The following WDR53 variants were observed in gnomAD, a reference collection of about 807,000 sequenced individuals.
WDR53 encodes the protein WD repeat domain 53.
A neutral mutation model predicts 21.3 loss-of-function variants in WDR53; 19 were observed. The observed-to-expected ratio is 0.89, with a 90% CI of 0.62 to 1.31. WDR53 has a LOEUF of 1.31. Among genes scored for constraint, WDR53 ranks in the 50% most tolerant of loss-of-function variants. WDR53 has a pLI of 0.00. For synonymous variants in WDR53, 157 were observed against 163.4 expected, an observed-to-expected ratio of 0.96 and a Z score of 0.30; for missense variants, 374 against 423.2, an observed-to-expected ratio of 0.88 and a Z score of 1.02.
At chr3:196,559,179 A>AC (rs1396761448) in intron 3 of WDR53, among the ~76,000 whole-genome samples, 1 of 152,270 alleles carries the variant, frequency 6.6e-6, no homozygotes, top group Non-Finnish European at 1.5e-5. Context: ...GACACACTGT[A>AC]CAATCTGCCT....
rs1416430742 is a variant in WDR53, at chr3:196,554,395, T to A, written c.893A>T (p.Gln298Leu). The A allele has an allele frequency of 6.2e-7, 1 of 1,614,226 alleles. No individual in the cohort carries two copies. The highest frequency in any genetic ancestry group is 8.5e-7 in the Non-Finnish European group (1 of 1,180,036). ...TACTGAAGCGTTAGTATTTCCACCC[T>A]GCTTGGTGCAAGTTCCTCTTTTAGG... ...KKPKRGTCTKQGGNTNASVTD... is the reference protein window; with the variant it reads ...KKPKRGTCTKLGGNTNASVTD... The change falls in exon 4 of 4, where the codon CAG (glutamine) becomes CTG (leucine). Residue 298 changes from glutamine to leucine, a missense_variant. Coordinates refer to ENST00000332629, the MANE Select transcript of WDR53 (RefSeq NM_182627.3).
At chr3:196,556,442 G>A (rs1227376785) in intron 3 of WDR53, among the ~76,000 whole-genome samples, 1 of 152,046 alleles carries the variant, frequency 6.6e-6, no homozygotes, top group Non-Finnish European at 1.5e-5. Context: ...GGATCACGAT[G>A]TCAGGAGATC....
At chr3:196,561,512 C>G (rs748012740) in intron 2 of WDR53, 21 bp from the exon 3 acceptor site, 26 of 1,568,950 alleles carry the variant, frequency 1.7e-5, no homozygotes, top group Non-Finnish European at 2.2e-5. Context: ...GGGGAAACAA[C>G]TGTAATCTCA....
intron 1 of WDR53, among the ~76,000 whole-genome samples, chr3:196,567,556 T>C (rs912951515): frequency 6.6e-5 from 10 of 152,338 alleles, no homozygotes; most frequent in African/African-American, 2.2e-4. Context: ...TTATTTTAAT[T>C]ACTCAGCTCA....
At chr3:196,562,424 G>A (rs1418650735) in intron 2 of WDR53, among the ~76,000 whole-genome samples, 2 of 152,102 alleles carry the variant, frequency 1.3e-5, no homozygotes, top group Non-Finnish European at 2.9e-5. Flanking sequence ...ACCATGCCTG[G>A]CTAATTTTTG....
intron 3 of WDR53, among the ~76,000 whole-genome samples, chr3:196,556,212 ATTTTTGTATT>A (rs1489575509): frequency 2.0e-5 from 3 of 151,898 alleles, no homozygotes; most frequent in Non-Finnish European, 4.4e-5. Flanking sequence ...CACCCAGCTA[ATTTTTGTATT>A]TTTTTGTAGA....
intron 2 of WDR53, among the ~76,000 whole-genome samples, chr3:196,563,013 A>G (rs1735027232): frequency 6.6e-6 from 1 of 152,024 alleles, no homozygotes; most frequent in Admixed American, 6.6e-5. Flanking sequence ...TTATTTTATT[A>G]AATTTTTTTT....
intron 2 of WDR53, among the ~76,000 whole-genome samples, chr3:196,563,292 A>G (rs115402043): frequency 0.023 from 3,539 of 152,326 alleles, 80 homozygotes; most frequent in Non-Finnish European, 0.037. Context: ...GAAATGCCAC[A>G]TAATACCGGC....
intron 1 of WDR53, chr3:196,568,302 G>C (rs1017409689): frequency 2.0e-5 from 3 of 152,462 alleles, no homozygotes; most frequent in African/African-American, 7.2e-5. Context: ...ACACAAAAAG[G>C]TTGGGGAGCC....
chr3:196,560,198 G>A (rs929106062), intron 3 of WDR53, among the ~76,000 whole-genome samples: 4 of 151,610 alleles, frequency 2.6e-5, no homozygotes, highest in African/African-American at 9.7e-5. Flanking sequence ...CTACTCTCCT[G>A]ATGGACTTCC....
At position 196,561,048 on chromosome 3, in the gene WDR53, G is replaced by A. The variant is rs1734790264; in HGVS notation, c.428C>T (p.Ala143Val). 2.5e-6 allele frequency: 4 copies of A among 1,614,200 alleles called. No individual in the cohort carries two copies. Among genetic ancestry groups the A allele is most frequent in the Non-Finnish European group, 2.5e-6 (3 of 1,180,034 alleles). Reference protein sequence around the residue: ...KRHSNICSSVAFRPQRPQSLV... With the variant: ...KRHSNICSSVVFRPQRPQSLV... ...GCTCTGAGGCCTCTGAGGCCGAAAA[G>A]CCACTGAGGAGCAGATATTGGAATG... Residue 143 changes from alanine to valine, a missense_variant, in exon 3 of 4, where the codon GCT becomes GTT. Coordinates refer to ENST00000332629, the MANE Select transcript of WDR53 (RefSeq NM_182627.3).
chr3:196,565,814 T>G (rs1213819841), intron 2 of WDR53, among the ~76,000 whole-genome samples: 4 of 152,198 alleles, frequency 2.6e-5, no homozygotes, highest in African/African-American at 9.6e-5. Flanking sequence ...AAAGTTGGGT[T>G]AAATCAAAAC....
intron 3 of WDR53, among the ~76,000 whole-genome samples, chr3:196,558,680 C>T (rs1354141701): frequency 1.3e-5 from 2 of 152,214 alleles, no homozygotes; most frequent in Admixed American, 6.5e-5. Flanking sequence ...GTCAGAACTC[C>T]CTTCCACTAT....
chr3:196,559,259 G>A (rs1734604880), intron 3 of WDR53, among the ~76,000 whole-genome samples: 1 of 152,170 alleles, frequency 6.6e-6, no homozygotes, highest in African/African-American at 2.4e-5. Context: ...TCACCACTAG[G>A]GTGGAGAATG....
At chr3:196,560,015 G>A (rs1734673714) in intron 3 of WDR53, among the ~76,000 whole-genome samples, 1 of 152,164 alleles carries the variant, frequency 6.6e-6, no homozygotes, top group Non-Finnish European at 1.5e-5. Context: ...TCTCTCAAGA[G>A]GAAGCACATC....
At chr3:196,555,508 C>T (rs1008385482) in intron 3 of WDR53, among the ~76,000 whole-genome samples, 2 of 152,192 alleles carry the variant, frequency 1.3e-5, no homozygotes. Context: ...TTTGGCTTTT[C>T]GTTGTTCCCG....
Position 196,561,178 on chromosome 3 carries a change from G to A in WDR53, c.298C>T (p.Leu100Phe), listed in dbSNP as rs200309204. The A allele has an allele frequency of 3.7e-5, 60 of 1,614,108 alleles. No homozygotes were observed. Among genetic ancestry groups the A allele is most frequent in the Non-Finnish European group, 4.7e-5 (56 of 1,180,048 alleles). Residue 100 changes from leucine (L) to phenylalanine (F), a missense_variant, in exon 3 of 4, where the codon CTT becomes TTT. By Grantham distance (22) the Leu-to-Phe change is conservative. Coordinates refer to ENST00000332629, the MANE Select transcript of WDR53 (RefSeq NM_182627.3). ...FHVNEEEINC[L>F]SLNQTENLLA... ...AGGTTTTCCGTTTGATTCAATGAAA[G>A]ACAATTGATTTCTTCTTCATTCACA...
At chr3:196,568,094 G>A (rs1735605249) in intron 1 of WDR53, among the ~76,000 whole-genome samples, 1 of 152,160 alleles carries the variant, frequency 6.6e-6, no homozygotes, top group Admixed American at 6.5e-5. Context: ...GGTGGATCCA[G>A]TAAAGACCAC....
intron 3 of WDR53, among the ~76,000 whole-genome samples, chr3:196,560,197 T>C (rs1418856843): frequency 6.6e-6 from 1 of 152,140 alleles, no homozygotes; most frequent in Non-Finnish European, 1.5e-5. Flanking sequence ...TCTACTCTCC[T>C]GATGGACTTC....
Sources: allele counts gnomAD v4.1 joint callset (sites outside exome capture counted in the v4.1 genomes callset), GRCh38; gene constraint gnomAD v4.1.1; transcripts MANE v1.5; gene names NCBI Gene and HGNC (gene_info 2026-07-23, HGNC 2026-07-21).